HECW1: variants seen among roughly 807,000 people sequenced by gnomAD.
HECW1 encodes E3 ubiquitin-protein ligase HECW1.
A neutral mutation model predicts 182.3 loss-of-function variants in HECW1; 61 were observed. The observed-to-expected ratio is 0.33, with a 90% CI of 0.27 to 0.41. The LOEUF is 0.41. Among genes scored for constraint, HECW1 ranks in the 10% least tolerant of loss-of-function variants. The pLI is 1.00. For missense variants in HECW1, 1,739 were observed against 2,108.9 expected (o/e 0.82, Z 3.44); for synonymous variants, 859 against 832.6 (o/e 1.03, Z -0.55).
At chr7:43,356,930 G>T (rs71540526) in intron 5 of HECW1, among the ~76,000 whole-genome samples, 7,523 of 152,220 alleles carry the variant, frequency 0.049, 243 homozygotes, top group Non-Finnish European at 0.08. Context: ...TCTTTTAAAA[G>T]ATGTGAATAG....
In HECW1 at chr7:43,488,420, GAGAAAGAA is replaced by G. The variant is rs200626288; in HGVS notation, c.3235-3647_3235-3640del. On this transcript the variant is annotated intron_variant, in intron 17 of 29. Transcript: ENST00000395891. Reference sequence around the variant, plus strand: ...GAAGGAAATGAAAGAAAGAGAGAGAGAGAAAGAAAGAAAGAGAAAGAAAGAAAGAAAGA... The same window carrying G: ...GAAGGAAATGAAAGAAAGAGAGAGAGAGAAAGAGAAAGAAAGAAAGAAAGA... 1.6e-3 allele frequency among the ~76,000 whole-genome samples: 104 copies of G among 63,406 alleles called. 4 individuals carry two copies. The highest frequency in any genetic ancestry group is 3.2e-3 in the Non-Finnish European group (86 of 26,750). 41.6% of individuals were successfully genotyped at this position (63,406 alleles called of 152,430 possible). A position where few individuals can be genotyped will look rare whatever the true frequency, so the allele number is the denominator to read the frequency against.
chr7:43,305,755 C>T (rs955418849), intron 3 of HECW1, among the ~76,000 whole-genome samples: 1 of 151,316 alleles, frequency 6.6e-6, no homozygotes, highest in Admixed American at 6.6e-5. Flanking sequence ...CCCGTCACCA[C>T]GCCCAGCTAA....
At chr7:43,385,484 AC>A (rs1327209255) in intron 6 of HECW1, among the ~76,000 whole-genome samples, 11 of 147,072 alleles carry the variant, frequency 7.5e-5, no homozygotes, top group South Asian at 4.5e-4. Context: ...AGTCCCACCC[AC>A]CTCCCCACCC....
chr7:43,538,678 C>T (rs1231771218), intron 24 of HECW1, among the ~76,000 whole-genome samples: 2 of 152,158 alleles, frequency 1.3e-5, no homozygotes, highest in Admixed American at 6.5e-5. Flanking sequence ...TATTGACCCT[C>T]GGTTTCTTAA....
At chr7:43,186,934 C>T (rs1793466429) in intron 2 of HECW1, among the ~76,000 whole-genome samples, 1 of 152,186 alleles carries the variant, frequency 6.6e-6, no homozygotes, top group Admixed American at 6.5e-5. Context: ...TTTCTCAGGA[C>T]ATATCCCAGC....
At chr7:43,151,245 G>A (rs1789288790) in intron 2 of HECW1, among the ~76,000 whole-genome samples, 1 of 152,172 alleles carries the variant, frequency 6.6e-6, no homozygotes, top group Non-Finnish European at 1.5e-5. Flanking sequence ...CACTCAGGGA[G>A]GATAACATGA....
intron 3 of HECW1, among the ~76,000 whole-genome samples, chr7:43,298,692 C>T (rs147482495): frequency 2.0e-5 from 3 of 152,290 alleles, no homozygotes; most frequent in Non-Finnish European, 4.4e-5. Flanking sequence ...CTTTCATTGT[C>T]TCACTTTCCT....
At chr7:43,429,378 G>A (rs1405005498) in intron 8 of HECW1, among the ~76,000 whole-genome samples, 1 of 144,986 alleles carries the variant, frequency 6.9e-6, no homozygotes, top group African/African-American at 2.6e-5. Flanking sequence ...TTACGTCTCA[G>A]CAGCATGGTC....
At chr7:43,467,559 G>T (rs944198095) in intron 15 of HECW1, among the ~76,000 whole-genome samples, 1 of 152,070 alleles carries the variant, frequency 6.6e-6, no homozygotes, top group Non-Finnish European at 1.5e-5. Flanking sequence ...TGACCAGAGG[G>T]GTTGATGATG....
At chr7:43,351,678 C>CT (rs200929407) in intron 5 of HECW1, among the ~76,000 whole-genome samples, 10,221 of 120,558 alleles carry the variant, frequency 0.085, 459 homozygotes, top group East Asian at 0.15. Context: ...TTTCTTTCTT[C>CT]TTTTTTTTTT....
chr7:43,211,371 G>A lies in HECW1; in HGVS notation c.-31-32504G>A, dbSNP rs117123592. ...ATCTGACACATCACCTTTCTCCTCCGTGAATGAATGAAACGGTTCTGTAAG... is the reference window on the plus strand; with the variant it reads ...ATCTGACACATCACCTTTCTCCTCCATGAATGAATGAAACGGTTCTGTAAG... On this transcript the variant is annotated intron_variant, in intron 2 of 29. Transcript: ENST00000395891. 6.6e-5 allele frequency among the ~76,000 whole-genome samples: 10 copies of A among 152,242 alleles called. No individual in the cohort carries two copies. The East Asian group carries it at 1.4e-3, about 21-fold the overall frequency.
chr7:43,198,083 C>T (rs967414024), intron 2 of HECW1, among the ~76,000 whole-genome samples: 4 of 150,758 alleles, frequency 2.7e-5, no homozygotes, highest in Non-Finnish European at 5.9e-5. Context: ...CTCTTACACA[C>T]CACACACTCA....
chr7:43,374,175 C>A (rs1322005236), intron 6 of HECW1, among the ~76,000 whole-genome samples: 1 of 152,080 alleles, frequency 6.6e-6, no homozygotes, highest in Non-Finnish European at 1.5e-5. Flanking sequence ...AAAAAGTATT[C>A]TGGGGTTCAA....
At chr7:43,377,110 G>T (rs2074363432) in intron 6 of HECW1, among the ~76,000 whole-genome samples, 1 of 152,108 alleles carries the variant, frequency 6.6e-6, no homozygotes, top group South Asian at 2.1e-4. Flanking sequence ...AGAGATGCCT[G>T]GGACTGTGCT....
At chr7:43,128,827 A>AAGTGATTTCTT (rs1786572053) in intron 2 of HECW1, among the ~76,000 whole-genome samples, 2 of 152,184 alleles carry the variant, frequency 1.3e-5, no homozygotes. Flanking sequence ...GGACTTTGGA[A>AAGTGATTTCTT]GACATTGGTT....
chr7:43,230,433 A>C (rs1364468230), intron 2 of HECW1, among the ~76,000 whole-genome samples: 1 of 152,176 alleles, frequency 6.6e-6, no homozygotes, highest in Non-Finnish European at 1.5e-5. Context: ...CATGGAATAC[A>C]AAGAAAACAA....
At chr7:43,310,149 T>C (rs960060046) in intron 3 of HECW1, among the ~76,000 whole-genome samples, 1 of 152,216 alleles carries the variant, frequency 6.6e-6, no homozygotes, top group Non-Finnish European at 1.5e-5. Context: ...ATGTGGGAAC[T>C]AAACAAACCT....
intron 3 of HECW1, among the ~76,000 whole-genome samples, chr7:43,289,561 C>T (rs919698845): frequency 5.3e-5 from 8 of 152,202 alleles, no homozygotes; most frequent in African/African-American, 1.9e-4. Flanking sequence ...AGAGGAGGAA[C>T]GAGGACCCTG....
intron 2 of HECW1, among the ~76,000 whole-genome samples, chr7:43,237,076 A>AG (rs67460979): frequency 2.2e-5 from 3 of 138,892 alleles, no homozygotes; most frequent in Non-Finnish European, 3.1e-5. Flanking sequence ...AGAAGGAGGG[A>AG]GGGAGGGAGG....
Sources: allele counts gnomAD v4.1 joint callset (sites outside exome capture counted in the v4.1 genomes callset), GRCh38; gene constraint gnomAD v4.1.1; transcripts MANE v1.5; gene names NCBI Gene and HGNC (gene_info 2026-07-23, HGNC 2026-07-21).